Variants in SLC44A3 observed in about 807,000 individuals in gnomAD.
The protein encoded by SLC44A3 is solute carrier family 44 member 3, also known as choline transporter-like protein 3.
A neutral mutation model predicts 75.4 loss-of-function variants in SLC44A3; 74 were observed. The ratio of observed to expected loss-of-function variants is 0.98; its 90% CI spans 0.81 to 1.19. The LOEUF (loss-of-function observed/expected upper bound fraction) is 1.19. SLC44A3 is among the 50% of genes most tolerant of loss of function. SLC44A3 has a pLI of 0.00. For synonymous variants in SLC44A3, 310 were observed against 296.9 expected (o/e 1.04, Z -0.45); for missense variants, 700 against 778.6 (o/e 0.90, Z 1.20).
chr1:94,892,322 T>G lies in SLC44A3; in HGVS notation c.1662T>G (p.Ala554=). The G allele has an allele frequency of 6.2e-7, 1 of 1,614,220 alleles. No homozygotes were observed. The highest frequency in any genetic ancestry group is 8.5e-7 in the Non-Finnish European group (1 of 1,180,048). The part of the protein sequence containing the change: ...VCFTVFGGLM[A]FNYNRAFQVW... ...TCACTGTTTTTGGAGGACTCATGGC[T>G]TTTAACTACAATCGGGCATTCCAGG... is the stretch of plus-strand genomic sequence containing the variant. Residue 554 remains alanine, a synonymous_variant, in exon 14 of 15, where the codon GCT becomes GCG. Transcript: ENST00000271227.
Position 94,894,910 on chromosome 1 carries a change from C to G in SLC44A3, c.1950C>G (p.Ala650=). 6.2e-7 allele frequency: 1 copy of G among 1,610,066 alleles called. No homozygotes were observed. Among genetic ancestry groups the G allele is most frequent in the Non-Finnish European group, 8.5e-7 (1 of 1,177,614 alleles). Residue 650 remains alanine (A), a synonymous_variant, in exon 15 of 15, where the codon GCC becomes GCG. Transcript: ENST00000271227. ...ATGAGGAGGGAACAGAACTCCAGGC[C>G]ATTGTGAGATAGATACCCATTTAGG... ...LRNEEGTELQ[A]IVR
chr1:94,845,481 G>A lies in SLC44A3; in HGVS notation c.1072+17G>A. 1 of 1,598,060 alleles carries A rather than the reference G, an allele frequency of 6.3e-7. No individual in the cohort carries two copies. The highest frequency in any genetic ancestry group is 1.3e-5 in the African/African-American group (1 of 74,620). ...GAACTGCAGGTAAGGGACAGTGGGTGTGGGTTCCATCACCTTGGAGTCATA... is the reference window on the plus strand; with the variant it reads ...GAACTGCAGGTAAGGGACAGTGGGTATGGGTTCCATCACCTTGGAGTCATA... On this transcript the variant is annotated intron_variant, in intron 9 of 14. Coordinates refer to ENST00000271227, the MANE Select transcript of SLC44A3 (RefSeq NM_001114106.3).
intron 9 of SLC44A3, among the ~76,000 whole-genome samples, chr1:94,847,367 A>T (rs908712463): frequency 6.6e-5 from 10 of 152,198 alleles, no homozygotes; most frequent in Non-Finnish European, 1.2e-4. Context: ...GGAGGGTGGC[A>T]GGGAGGAAAG....
intron 3 of SLC44A3, among the ~76,000 whole-genome samples, chr1:94,826,292 C>T (rs571725704): frequency 4.6e-5 from 7 of 152,288 alleles, no homozygotes; most frequent in South Asian, 4.1e-4. Flanking sequence ...AAGATGAGTT[C>T]TGTGAATGGA....
intron 12 of SLC44A3, among the ~76,000 whole-genome samples, chr1:94,888,887 G>A (rs1035827871): frequency 3.2e-5 from 4 of 126,400 alleles, no homozygotes; most frequent in South Asian, 5.2e-4. Context: ...GTGCCACCAC[G>A]ACTGGCTATA....
chr1:94,875,961 T>C (rs1314659448), intron 12 of SLC44A3, among the ~76,000 whole-genome samples: 1 of 152,214 alleles, frequency 6.6e-6, no homozygotes, highest in African/African-American at 2.4e-5. Context: ...ACATCCAGTT[T>C]CCTCATAAAG....
chr1:94,831,195 T>A (rs548360395), intron 5 of SLC44A3, among the ~76,000 whole-genome samples: 2 of 152,312 alleles, frequency 1.3e-5, no homozygotes, highest in Admixed American at 1.3e-4. Context: ...CTTTTCACCC[T>A]AAATGCAAAT....
chr1:94,843,480 C>T (rs2101073381), intron 8 of SLC44A3: 1 of 152,358 alleles, frequency 6.6e-6, no homozygotes, highest in East Asian at 1.9e-4. Context: ...CCTGACACCT[C>T]TCCCTGCATG....
chr1:94,863,013 A>G (rs560639840), intron 10 of SLC44A3, among the ~76,000 whole-genome samples: 1 of 152,262 alleles, frequency 6.6e-6, no homozygotes, highest in South Asian at 2.1e-4. Context: ...ACCTTTGAAC[A>G]TGGAAATGAG....
chr1:94,866,024 ATTTTGCT>A (rs1667130835), intron 11 of SLC44A3, among the ~76,000 whole-genome samples: 1 of 152,242 alleles, frequency 6.6e-6, no homozygotes, highest in South Asian at 2.1e-4. Flanking sequence ...TTCTATTAAT[ATTTTGCT>A]TGGCCACATT....
At chr1:94,841,863 G>A (rs1056445205) in intron 7 of SLC44A3, 137 bp from the exon 8 acceptor site, 27 of 1,184,402 alleles carry the variant, frequency 2.3e-5, no homozygotes, top group East Asian at 1.4e-4. Flanking sequence ...TGTAGGGTCC[G>A]GGTATTTGGG....
intron 5 of SLC44A3, among the ~76,000 whole-genome samples, chr1:94,835,829 G>T (rs941958135): frequency 6.6e-6 from 1 of 152,186 alleles, no homozygotes; most frequent in African/African-American, 2.4e-5. Flanking sequence ...AAAAATCATG[G>T]GTGCCTGTGA....
intron 9 of SLC44A3, among the ~76,000 whole-genome samples, chr1:94,847,554 G>A (rs1557834640): frequency 2.0e-5 from 3 of 152,222 alleles, no homozygotes; most frequent in African/African-American, 2.4e-5. Flanking sequence ...AATAGATATC[G>A]TGAGACAGGT....
chr1:94,870,097 C>T (rs1667591946), intron 12 of SLC44A3, among the ~76,000 whole-genome samples: 1 of 152,252 alleles, frequency 6.6e-6, no homozygotes, highest in South Asian at 2.1e-4. Flanking sequence ...CACAGGCATT[C>T]ACTTACAAGG....
intron 9 of SLC44A3, among the ~76,000 whole-genome samples, chr1:94,849,681 A>G (rs1425393356): frequency 6.6e-6 from 1 of 152,208 alleles, no homozygotes; most frequent in Non-Finnish European, 1.5e-5. Context: ...GGGGACAGAC[A>G]CACTCTTCAG....
intron 9 of SLC44A3, among the ~76,000 whole-genome samples, chr1:94,852,943 TGGA>T (rs1359428190): frequency 1.3e-5 from 2 of 152,202 alleles, no homozygotes; most frequent in Non-Finnish European, 1.5e-5. Context: ...GACCACCAGA[TGGA>T]GATGTCAAGT....
Position 94,885,224 on chromosome 1 carries a change from CAAAAAAA to C in SLC44A3, c.1483-5893_1483-5887del, listed in dbSNP as rs60440950. On this transcript the variant is annotated intron_variant, in intron 12 of 14. Coordinates refer to ENST00000271227, the MANE Select transcript of SLC44A3 (RefSeq NM_001114106.3). ...TGGGCGACAGAGTGAGACTCCCTCT[CAAAAAAA>C]AAAAAAAAAAAAGAGGCAGCAGGGA... Among the ~76,000 whole-genome samples, 6 of 82,848 alleles carry C rather than the reference CAAAAAAA, an allele frequency of 7.2e-5. No individual in the cohort carries two copies. In the Admixed American group the frequency reaches 9.0e-4, roughly 12 times the overall value. 54.4% of individuals were successfully genotyped at this position (82,848 alleles called of 152,430 possible).
At chr1:94,824,217 T>C (rs1660991787) in intron 2 of SLC44A3, among the ~76,000 whole-genome samples, 1 of 151,984 alleles carries the variant, frequency 6.6e-6, no homozygotes, top group Non-Finnish European at 1.5e-5. Flanking sequence ...AATGATAGAC[T>C]CTTAAGGAAA....
chr1:94,866,745 T>C (rs1667210322), intron 11 of SLC44A3, among the ~76,000 whole-genome samples: 1 of 152,170 alleles, frequency 6.6e-6, no homozygotes, highest in Admixed American at 6.5e-5. Context: ...CCGAGCACCC[T>C]TCCCCCAAGA....
Sources: gnomAD v4.1 joint callset for allele counts (sites outside exome capture counted in the v4.1 genomes callset) on GRCh38, gnomAD v4.1.1 for gene constraint, MANE v1.5 for transcripts, NCBI Gene and HGNC (gene_info 2026-07-23, HGNC 2026-07-21) for gene names.